Variants in HOOK3 observed in about 807,000 individuals in gnomAD.
The protein encoded by HOOK3 is protein Hook homolog 3.
Under a neutral mutation model 116.3 loss-of-function variants are expected in HOOK3, and 24 were observed. The observed-to-expected ratio is 0.21, with a 90% confidence interval of 0.15 to 0.29. HOOK3 has a LOEUF of 0.29. Among genes scored for constraint, HOOK3 ranks in the 10% least tolerant of loss-of-function variants. The pLI, the probability that HOOK3 is intolerant of heterozygous loss-of-function variation, is 1.00. For missense variants in HOOK3, 632 were observed against 830.2 expected (o/e 0.76, Z 2.93); for synonymous variants, 275 against 283.0 (o/e 0.97, Z 0.28).
In HOOK3 at chr8:43,020,223, C is replaced by T. The variant is rs1809798306; in HGVS notation, c.*1725C>T. 5.0e-6 allele frequency: 1 copy of T among 200,550 alleles called. No homozygotes were observed. Among genetic ancestry groups the T allele is most frequent in the East Asian group, 7.7e-5 (1 of 13,040 alleles). 12.4% of individuals were successfully genotyped at this position (200,550 alleles called of 1,614,324 possible). A position where few individuals can be genotyped will look rare whatever the true frequency, so the allele number is the denominator to read the frequency against. ...CAGAAGTCTGAGCACAGCATGAATG[C>T]TTCTGCCTGACAGGACCACAAAGCA... is the stretch of plus-strand genomic sequence containing the variant. On this transcript the variant is annotated 3_prime_UTR_variant, in exon 22 of 22. Coordinates refer to ENST00000307602, the MANE Select transcript of HOOK3 (RefSeq NM_032410.4).
intron 6 of HOOK3, among the ~76,000 whole-genome samples, chr8:42,956,265 T>TG (rs1554512121): frequency 9.4e-5 from 14 of 149,224 alleles, no homozygotes; most frequent in African/African-American, 3.0e-4. Context: ...TGTGTGTGTG[T>TG]TATCATTAAA....
chr8:42,955,061 T>A (rs1808409249), intron 6 of HOOK3, among the ~76,000 whole-genome samples: 1 of 152,188 alleles, frequency 6.6e-6, no homozygotes, highest in Non-Finnish European at 1.5e-5. Flanking sequence ...CCAGTTGAGA[T>A]TGGGAACTTT....
chr8:42,911,507 T>TG (rs910118672), intron 2 of HOOK3, among the ~76,000 whole-genome samples: 1 of 151,742 alleles, frequency 6.6e-6, no homozygotes, highest in Non-Finnish European at 1.5e-5. Context: ...TGGCGGTGGG[T>TG]GGGGGGATTA....
intron 2 of HOOK3, 86 bp from the exon 3 acceptor site, chr8:42,925,471 G>T (rs1807746715): frequency 3.6e-6 from 3 of 836,026 alleles, no homozygotes; most frequent in Non-Finnish European, 5.7e-6. Flanking sequence ...TTGCAGTTAA[G>T]TGATTATATG....
chr8:42,924,483 G>A (rs1317318247), intron 2 of HOOK3, among the ~76,000 whole-genome samples: 1 of 151,834 alleles, frequency 6.6e-6, no homozygotes, highest in African/African-American at 2.4e-5. Flanking sequence ...TAAGTCTTTT[G>A]TAAACAGCAA....
chr8:43,000,588 T>C (rs1586628768), intron 16 of HOOK3, among the ~76,000 whole-genome samples: 1 of 152,166 alleles, frequency 6.6e-6, no homozygotes. Flanking sequence ...CCCCATGCTT[T>C]GGTAGGAACA....
intron 2 of HOOK3, among the ~76,000 whole-genome samples, chr8:42,914,589 T>A (rs1312055448): frequency 6.6e-6 from 1 of 152,188 alleles, no homozygotes; most frequent in Non-Finnish European, 1.5e-5. Flanking sequence ...GTCTCTTTCC[T>A]CTTAGTCAGC....
In HOOK3 at chr8:43,028,975, A is replaced by G. The variant is rs1472152659; in HGVS notation, c.*10477A>G. 2.0e-5 allele frequency: 4 copies of G among 199,366 alleles called. No individual in the cohort carries two copies. The highest frequency in any genetic ancestry group is 9.2e-5 in the African/African-American group (4 of 43,420). The allele number at this position is 199,366 out of a possible 1,614,324, so 12.3% of individuals were successfully genotyped here. A position where few individuals can be genotyped will look rare whatever the true frequency, so the allele number is the denominator to read the frequency against. ...GTAAGTGGTGTGACTTCAGTTTATT[A>G]TCTTCTTGGTGACCTACTTTAGTAT... On this transcript the variant is annotated 3_prime_UTR_variant, in exon 22 of 22. Coordinates refer to ENST00000307602, the MANE Select transcript of HOOK3 (RefSeq NM_032410.4).
Position 42,982,713 on chromosome 8 carries a change from G to T in HOOK3, c.1391+17G>T, listed in dbSNP as rs907255671. Reference sequence around the variant, plus strand: ...TGAAATCAGGTAAGGAGATTGTGGTGTTCACACTTACACTGCACAGTATTC... The same window carrying T: ...TGAAATCAGGTAAGGAGATTGTGGTTTTCACACTTACACTGCACAGTATTC... On this transcript the variant is annotated intron_variant, in intron 14 of 21. Transcript: ENST00000307602. 1 of 1,543,262 alleles carries T rather than the reference G, an allele frequency of 6.5e-7. No homozygotes were observed. Among genetic ancestry groups the T allele is most frequent in the South Asian group, 1.1e-5 (1 of 89,648 alleles).
At chr8:42,938,240 A>G (rs1401894376) in intron 4 of HOOK3, among the ~76,000 whole-genome samples, 1 of 112,682 alleles carries the variant, frequency 8.9e-6, no homozygotes, top group African/African-American at 3.8e-5. Flanking sequence ...TTTGCTTTCC[A>G]TTTGCTTGGT....
chr8:42,981,483 C>T (rs998439874), intron 13 of HOOK3, among the ~76,000 whole-genome samples: 8 of 152,172 alleles, frequency 5.3e-5, no homozygotes, highest in African/African-American at 1.9e-4. Context: ...TAAATTTACC[C>T]TAATGAATTA....
chr8:42,927,503 G>A (rs1439318213), intron 3 of HOOK3, among the ~76,000 whole-genome samples: 3 of 152,092 alleles, frequency 2.0e-5, no homozygotes, highest in Admixed American at 6.6e-5. Context: ...TGATCTGCCC[G>A]CCTTGGCCTC....
At chr8:43,007,016 ATTTTTTTTTTTTTT>A (rs58609523) in intron 17 of HOOK3, among the ~76,000 whole-genome samples, 12 of 103,278 alleles carry the variant, frequency 1.2e-4, no homozygotes, top group East Asian at 8.0e-4. Flanking sequence ...AAGTTCCTAG[ATTTTTTTTTTTTTT>A]TTTTTTTTTT....
intron 1 of HOOK3, among the ~76,000 whole-genome samples, chr8:42,902,571 C>T (rs1807212968): frequency 6.6e-6 from 1 of 152,154 alleles, no homozygotes; most frequent in Non-Finnish European, 1.5e-5. Flanking sequence ...CACGCCCTGC[C>T]AAAATGTGTA....
Position 43,029,815 on chromosome 8 carries a change from A to G in HOOK3, c.*11317A>G, listed in dbSNP as rs1809998052. ...TGAAACCTTAGTACATTGGAGCTGG[A>G]GTTGTATTGAGTACAGCCCCAACTC... On this transcript the variant is annotated 3_prime_UTR_variant, in exon 22 of 22. Coordinates refer to ENST00000307602, the MANE Select transcript of HOOK3 (RefSeq NM_032410.4). 1 of 211,060 alleles carries G rather than the reference A, an allele frequency of 4.7e-6. No individual in the cohort carries two copies. The allele number at this position is 211,060 out of a possible 1,614,324, so 13.1% of individuals were successfully genotyped here. A position where few individuals can be genotyped will look rare whatever the true frequency, so the allele number is the denominator to read the frequency against.
chr8:42,904,369 G>T (rs1416967421), intron 1 of HOOK3, among the ~76,000 whole-genome samples: 2 of 150,174 alleles, frequency 1.3e-5, no homozygotes, highest in Non-Finnish European at 3.0e-5. Context: ...GAGTGCAGTG[G>T]CATGATCTTG....
At chr8:42,945,530 C>G (rs533333313) in intron 5 of HOOK3, among the ~76,000 whole-genome samples, 1 of 152,146 alleles carries the variant, frequency 6.6e-6, no homozygotes, top group Non-Finnish European at 1.5e-5. Context: ...AGGCTGGTCT[C>G]AAACTCCTGA....
In HOOK3 at chr8:42,904,471, G is replaced by A. The variant is rs752503305; in HGVS notation, c.58-1702G>A. ...ACTACAGGTGTGTGCCATCAGGCCT[G>A]GTTAATTTTTTGTATTTTTAGTGAA... On this transcript the variant is annotated intron_variant, in intron 1 of 21. Transcript: ENST00000307602. 2.6e-5 allele frequency among the ~76,000 whole-genome samples: 4 copies of A among 151,910 alleles called. 1 individual carries two copies. Among genetic ancestry groups the A allele is most frequent in the African/African-American group, 2.4e-5 (1 of 41,344 alleles).
At chr8:42,972,394 C>T (rs1327663894) in intron 11 of HOOK3, among the ~76,000 whole-genome samples, 1 of 152,096 alleles carries the variant, frequency 6.6e-6, no homozygotes, top group African/African-American at 2.4e-5. Context: ...TACAAACTTC[C>T]AAGTTACCCC....
Sources: allele counts gnomAD v4.1 joint callset (sites outside exome capture counted in the v4.1 genomes callset), GRCh38; gene constraint gnomAD v4.1.1; transcripts MANE v1.5; gene names NCBI Gene and HGNC (gene_info 2026-07-23, HGNC 2026-07-21).